Variants in HSF2BP observed in about 807,000 individuals in gnomAD.
HSF2BP encodes heat shock factor 2-binding protein.
In HSF2BP, 35 loss-of-function variants were observed where a neutral mutation model predicts 35.0. The observed-to-expected ratio is 1.00, with a 90% CI of 0.76 to 1.32. The LOEUF (loss-of-function observed/expected upper bound fraction) is 1.32, where lower values mean the gene tolerates loss of function less well. Among genes scored for constraint, HSF2BP ranks in the 40% most tolerant of loss-of-function variants. The pLI, the probability that HSF2BP is intolerant of heterozygous loss-of-function variation, is 0.00. For synonymous variants in HSF2BP, 114 were observed against 117.4 expected (o/e 0.97, Z 0.18); for missense variants, 326 against 321.7 (o/e 1.01, Z -0.10).
At chr21:43,572,288 G>A (rs1339794557) in intron 8 of HSF2BP, among the ~76,000 whole-genome samples, 1 of 152,200 alleles carries the variant, frequency 6.6e-6, no homozygotes, top group South Asian at 2.1e-4. Flanking sequence ...CTAGCCCAGC[G>A]CTTGGGAGAA....
intron 8 of HSF2BP, among the ~76,000 whole-genome samples, chr21:43,584,799 C>T (rs1195603652): frequency 1.3e-5 from 2 of 152,078 alleles, no homozygotes; most frequent in Non-Finnish European, 2.9e-5. Context: ...TGGGAAAGAC[C>T]CTTGGGAGTT....
intron 7 of HSF2BP, among the ~76,000 whole-genome samples, chr21:43,599,381 C>T (rs948129267): frequency 3.9e-5 from 6 of 152,142 alleles, no homozygotes; most frequent in Non-Finnish European, 7.4e-5. Context: ...GCAAATGTTT[C>T]GTCTAATATA....
At chr21:43,599,079 A>G (rs980067631) in intron 7 of HSF2BP, among the ~76,000 whole-genome samples, 1 of 152,282 alleles carries the variant, frequency 6.6e-6, no homozygotes, top group Non-Finnish European at 1.5e-5. Context: ...GCATCTGGTA[A>G]TAACTGTAAT....
At chr21:43,623,556 C>G (rs773226113) in intron 6 of HSF2BP, among the ~76,000 whole-genome samples, 5 of 152,120 alleles carry the variant, frequency 3.3e-5, no homozygotes, top group African/African-American at 4.8e-5. Flanking sequence ...TGTCCATGCC[C>G]AGAAGAGATC....
intron 8 of HSF2BP, among the ~76,000 whole-genome samples, chr21:43,587,033 A>T (rs2081860032): frequency 6.6e-6 from 1 of 152,210 alleles, no homozygotes; most frequent in Non-Finnish European, 1.5e-5. Context: ...TCTTAGTCCT[A>T]AGCAGTTATG....
intron 8 of HSF2BP, among the ~76,000 whole-genome samples, chr21:43,578,231 A>G (rs1206081958): frequency 6.6e-6 from 1 of 151,980 alleles, no homozygotes; most frequent in Non-Finnish European, 1.5e-5. Flanking sequence ...CAGACCATCC[A>G]TTTTCAACCC....
chr21:43,499,043 T>TTC, the HSF2BP span, among the ~76,000 whole-genome samples: 2 of 68,250 alleles, frequency 2.9e-5, 1 homozygote, highest in African/African-American at 1.2e-4. Context: ...TGAAAGGGAC[T>TTC]TGGGACAAAT....
At chr21:43,579,125 T>G (rs1048195561) in intron 8 of HSF2BP, among the ~76,000 whole-genome samples, 5 of 152,208 alleles carry the variant, frequency 3.3e-5, no homozygotes, top group Non-Finnish European at 5.9e-5. Flanking sequence ...TCCAAGACAT[T>G]ATGTAACTAA....
chr21:43,611,993 A>C (rs1009667942), intron 7 of HSF2BP, among the ~76,000 whole-genome samples: 1 of 152,152 alleles, frequency 6.6e-6, no homozygotes, highest in Admixed American at 6.5e-5. Context: ...AAGACTCTGA[A>C]CCTAAGATCC....
intron 4 of HSF2BP, among the ~76,000 whole-genome samples, chr21:43,640,356 C>T (rs1033916263): frequency 2.0e-5 from 3 of 152,112 alleles, no homozygotes; most frequent in African/African-American, 7.2e-5. Flanking sequence ...CTTGAGATAA[C>T]AAAATTAGAG....
intron 8 of HSF2BP, among the ~76,000 whole-genome samples, chr21:43,572,211 C>T (rs2081586408): frequency 6.6e-6 from 1 of 152,160 alleles, no homozygotes; most frequent in African/African-American, 2.4e-5. Context: ...ACGACATGTC[C>T]AGCTCTGGGA....
intron 4 of HSF2BP, among the ~76,000 whole-genome samples, chr21:43,635,092 A>G (rs1366699680): frequency 6.6e-6 from 1 of 152,200 alleles, no homozygotes; most frequent in African/African-American, 2.4e-5. Context: ...AAAAAAACAA[A>G]CAAACCTCAA....
intron 4 of HSF2BP, among the ~76,000 whole-genome samples, chr21:43,641,899 G>A (rs979590435): frequency 2.6e-4 from 36 of 136,814 alleles, no homozygotes; most frequent in Non-Finnish European, 3.1e-5. Flanking sequence ...CTGGACGACA[G>A]AGCAAGACTC....
chr21:43,575,958 A>T (rs939563862), intron 8 of HSF2BP, among the ~76,000 whole-genome samples: 4 of 152,144 alleles, frequency 2.6e-5, no homozygotes, highest in African/African-American at 7.2e-5. Context: ...TCTCTACTGA[A>T]AATACAAAAA....
At chr21:43,613,788 A>T in intron 7 of HSF2BP, 42 bp downstream of exon 7, 1 of 1,305,478 alleles carries the variant, frequency 7.7e-7, no homozygotes, top group Non-Finnish European at 1.1e-6. Context: ...CAGTCTAATT[A>T]ATATGTAAAT....
At chr21:43,586,934 T>C (rs1167176699) in intron 8 of HSF2BP, among the ~76,000 whole-genome samples, 1 of 152,140 alleles carries the variant, frequency 6.6e-6, no homozygotes, top group African/African-American at 2.4e-5. Context: ...TTTTAAAAAT[T>C]AGAAGAGCTT....
intron 7 of HSF2BP, among the ~76,000 whole-genome samples, chr21:43,598,703 C>G (rs1470669826): frequency 6.6e-6 from 1 of 152,034 alleles, no homozygotes; most frequent in East Asian, 1.9e-4. Flanking sequence ...TACATGAATT[C>G]AAAAGCTACT....
chr21:43,639,158 A>G (rs2147058355), intron 4 of HSF2BP, among the ~76,000 whole-genome samples: 1 of 152,378 alleles, frequency 6.6e-6, no homozygotes, highest in East Asian at 1.9e-4. Context: ...ACTCAAAATG[A>G]ATCATAGACT....
rs184023780 is a variant in HSF2BP at position 43,643,904 on chromosome 21, G to A, written c.291+385C>T. 2.1e-3 allele frequency among the ~76,000 whole-genome samples: 310 copies of A among 150,596 alleles called. 2 individuals carry two copies. The highest frequency in any genetic ancestry group is 6.9e-3 in the African/African-American group (283 of 40,766). On this transcript the variant is annotated intron_variant, in intron 4 of 8. Coordinates refer to ENST00000291560, the MANE Select transcript of HSF2BP (RefSeq NM_007031.2). ...CAGGAGGCGGAGCTTGCAGTGAGCC[G>A]AGATTGCACCACTGCACTCCAGCCT...
Sources: gnomAD v4.1 joint callset for allele counts (sites outside exome capture counted in the v4.1 genomes callset) on GRCh38, gnomAD v4.1.1 for gene constraint, MANE v1.5 for transcripts, NCBI Gene and HGNC (gene_info 2026-07-23, HGNC 2026-07-21) for gene names.